The following FRAS1 variants were observed in gnomAD, a reference collection of about 807,000 sequenced individuals.
FRAS1 encodes the protein Fraser extracellular matrix complex subunit 1, also known as extracellular matrix organizing protein FRAS1.
FRAS1 carries 290 observed loss-of-function variants against 435.2 expected under a neutral mutation model. The ratio of observed to expected loss-of-function variants is 0.67; its 90% CI spans 0.61 to 0.73. FRAS1 has a LOEUF of 0.73. Among genes scored for constraint, FRAS1 ranks in the 30% least tolerant of loss-of-function variants. The probability of loss-of-function intolerance (pLI) is 0.00; values close to 1 mark genes in which losing one functional copy is unlikely to be tolerated. For synonymous variants in FRAS1, 1,800 were observed against 1,851.0 expected (o/e 0.97, Z 0.71); for missense variants, 4,860 against 5,001.5 (o/e 0.97, Z 0.85).
intron 2 of FRAS1, among the ~76,000 whole-genome samples, chr4:78,172,347 C>T (rs1721595504): frequency 6.6e-6 from 1 of 152,134 alleles, no homozygotes; most frequent in Admixed American, 6.5e-5. Flanking sequence ...TGGGAAAAAA[C>T]AGACAAATAC....
intron 20 of FRAS1, among the ~76,000 whole-genome samples, chr4:78,362,131 C>T (rs1469756898): frequency 6.6e-6 from 1 of 152,188 alleles, no homozygotes; most frequent in Non-Finnish European, 1.5e-5. Context: ...TACAGAGCTA[C>T]TGTGCACTAT....
At chr4:78,384,359 A>G (rs1410215031) in intron 28 of FRAS1, among the ~76,000 whole-genome samples, 2 of 152,220 alleles carry the variant, frequency 1.3e-5, no homozygotes, top group Non-Finnish European at 2.9e-5. Context: ...TTAGTGTTAT[A>G]GTCTTAGTGT....
intron 27 of FRAS1, 76 bp downstream of exon 27, chr4:78,380,072 C>G (rs771673340): frequency 9.3e-6 from 14 of 1,499,504 alleles, no homozygotes; most frequent in Non-Finnish European, 1.3e-5. Context: ...CTGTCCCAGC[C>G]TCTCTGTCTC....
At chr4:78,314,461 C>T (rs1729154990) in intron 15 of FRAS1, among the ~76,000 whole-genome samples, 1 of 152,204 alleles carries the variant, frequency 6.6e-6, no homozygotes, top group Non-Finnish European at 1.5e-5. Flanking sequence ...CATCTTGATT[C>T]ATGCTCCTTG....
chr4:78,208,667 T>C (rs1723369198), intron 2 of FRAS1, among the ~76,000 whole-genome samples: 1 of 152,184 alleles, frequency 6.6e-6, no homozygotes, highest in Non-Finnish European at 1.5e-5. Flanking sequence ...TAAATTTTTA[T>C]TTATTATTAA....
At chr4:78,284,978 G>A (rs1473514169) in intron 13 of FRAS1, among the ~76,000 whole-genome samples, 2 of 152,230 alleles carry the variant, frequency 1.3e-5, no homozygotes, top group East Asian at 1.9e-4. Flanking sequence ...TGCAAATGGG[G>A]AATCTGTAGG....
At chr4:78,429,044 C>A (rs867889396) in intron 35 of FRAS1, 51 bp from the exon 36 acceptor site, 1 of 1,386,116 alleles carries the variant, frequency 7.2e-7, no homozygotes, top group African/African-American at 2.1e-5. Flanking sequence ...GTGTGCGTGT[C>A]TCTGTGTGTG....
At chr4:78,277,263 C>T (rs1348318833) in intron 9 of FRAS1, among the ~76,000 whole-genome samples, 2 of 152,200 alleles carry the variant, frequency 1.3e-5, no homozygotes, top group Non-Finnish European at 2.9e-5. Context: ...TTGCACTTCC[C>T]TGGTGAGGCA....
intron 11 of FRAS1, among the ~76,000 whole-genome samples, chr4:78,282,155 C>T (rs1373362104): frequency 1.3e-5 from 2 of 152,200 alleles, no homozygotes; most frequent in South Asian, 2.1e-4. Context: ...CCAATACCTT[C>T]GGGTAAGAAC....
chr4:78,441,220 A>G lies in FRAS1; in HGVS notation c.5588A>G (p.Asp1863Gly). 1.2e-6 allele frequency: 2 copies of G among 1,613,880 alleles called. No individual in the cohort carries two copies. Among genetic ancestry groups the G allele is most frequent in the Non-Finnish European group, 8.5e-7 (1 of 1,179,814 alleles). Residue 1863 changes from aspartate to glycine, a missense_variant, in exon 41 of 74, where the codon GAT becomes GGT. Asp to Gly is a moderately conservative substitution (Grantham distance 94). Coordinates refer to ENST00000512123, the MANE Select transcript of FRAS1 (RefSeq NM_025074.7). ...CACCATTTTTTTGCTACTGATGATG[A>G]TGACAACCTCCAGAGAGATGCCATC... ...SFHHFFATDD[D>G]DNLQRDAIIK...
At chr4:78,373,006 A>C in intron 24 of FRAS1, 148 bp downstream of exon 24, 1 of 920,896 alleles carries the variant, frequency 1.1e-6, no homozygotes, top group South Asian at 2.1e-5. Context: ...CTTTGTTATC[A>C]TGAAAATTTC....
At chr4:78,219,126 A>C (rs1381673711) in intron 2 of FRAS1, among the ~76,000 whole-genome samples, 1 of 152,078 alleles carries the variant, frequency 6.6e-6, no homozygotes, top group East Asian at 1.9e-4. Context: ...TTTTCATGCT[A>C]TAAACCAAAT....
At chr4:78,203,499 G>A (rs2110078010) in intron 2 of FRAS1, among the ~76,000 whole-genome samples, 1 of 152,222 alleles carries the variant, frequency 6.6e-6, no homozygotes, top group African/African-American at 2.4e-5. Flanking sequence ...CTCAATTGAG[G>A]TCTAACAAAG....
intron 2 of FRAS1, among the ~76,000 whole-genome samples, chr4:78,165,214 A>T (rs1337143703): frequency 1.3e-5 from 2 of 152,240 alleles, no homozygotes; most frequent in Non-Finnish European, 2.9e-5. Flanking sequence ...AAACACTTTC[A>T]TCATTGCCTC....
At chr4:78,153,070 A>G (rs1434777191) in intron 2 of FRAS1, among the ~76,000 whole-genome samples, 2 of 151,956 alleles carry the variant, frequency 1.3e-5, no homozygotes, top group Non-Finnish European at 2.9e-5. Flanking sequence ...TTCCTGTCCC[A>G]CCCATACCCA....
chr4:78,095,459 G>A (rs1454542203), intron 2 of FRAS1, among the ~76,000 whole-genome samples: 2 of 152,116 alleles, frequency 1.3e-5, no homozygotes, highest in Non-Finnish European at 2.9e-5. Flanking sequence ...GATTATTCTG[G>A]GCTTTATTGT....
chr4:78,403,326 T>G (rs12643648), intron 30 of FRAS1, among the ~76,000 whole-genome samples: 119,052 of 151,998 alleles, frequency 0.78, 47,179 homozygotes, highest in African/African-American at 0.9. Flanking sequence ...ATATCACGTA[T>G]GCTTTATTGT....
intron 36 of FRAS1, 53 bp from the exon 37 acceptor site, chr4:78,430,239 T>C: frequency 1.2e-6 from 2 of 1,610,670 alleles, no homozygotes; most frequent in Non-Finnish European, 8.5e-7. Context: ...ATATAGTCTA[T>C]CGTCTTTAAC....
chr4:78,443,099 A>C (rs749471631), intron 41 of FRAS1, among the ~76,000 whole-genome samples: 10 of 152,222 alleles, frequency 6.6e-5, no homozygotes, highest in African/African-American at 1.2e-4. Context: ...CTGTCATTTC[A>C]GCACTTTGGG....
Sources: gnomAD v4.1 joint callset for allele counts (sites outside exome capture counted in the v4.1 genomes callset) on GRCh38, gnomAD v4.1.1 for gene constraint, MANE v1.5 for transcripts, NCBI Gene and HGNC (gene_info 2026-07-23, HGNC 2026-07-21) for gene names.